DUSP22: variants seen among roughly 807,000 people sequenced by gnomAD.
DUSP22 encodes dual specificity protein phosphatase 22.
In DUSP22, 24 loss-of-function variants were observed where a neutral mutation model predicts 24.5. The observed-to-expected ratio is 0.98, with a 90% CI of 0.71 to 1.38. DUSP22 has a LOEUF of 1.38. DUSP22 is among the 40% of genes most tolerant of loss of function. The pLI is 0.00. For synonymous variants in DUSP22, 160 were observed against 106.4 expected, an observed-to-expected ratio of 1.50 and a Z score of -3.10; for missense variants, 330 against 269.2, an observed-to-expected ratio of 1.23 and a Z score of -1.58.
At position 351,139 on chromosome 6, in the gene DUSP22, G is replaced by T. The variant is rs1399709158; in HGVS notation, c.*2188G>T. 1.1e-5 allele frequency: 6 copies of T among 538,014 alleles called. No homozygotes were observed. Among genetic ancestry groups the T allele is most frequent in the Non-Finnish European group, 1.9e-5 (6 of 310,814 alleles). The allele number at this position is 538,014 out of a possible 1,614,324, so 33.3% of individuals were successfully genotyped here. On this transcript the variant is annotated 3_prime_UTR_variant, in exon 7 of 7. Transcript: ENST00000419235. ...CCCGGGAGCCTTGCCGCACTGCCTT[G>T]TGGGTGGCTTGGCGCTCGTGATTGC...
intron 1 of DUSP22, 114 bp downstream of exon 1, chr6:292,674 C>T: frequency 1.4e-6 from 2 of 1,417,634 alleles, no homozygotes; most frequent in Non-Finnish European, 9.3e-7. Context: ...GCGGTGGGGA[C>T]GGGCGCGGAG....
chr6:298,394 AC>A (rs1757435429), intron 1 of DUSP22, among the ~76,000 whole-genome samples: 1 of 152,278 alleles, frequency 6.6e-6, no homozygotes, highest in Non-Finnish European at 1.5e-5. Context: ...TGCCACCCCC[AC>A]CCCACACATG....
At chr6:331,268 C>T (rs544346043) in intron 3 of DUSP22, among the ~76,000 whole-genome samples, 251 of 152,342 alleles carry the variant, frequency 1.6e-3, no homozygotes, top group African/African-American at 5.8e-3. Flanking sequence ...TTTAGTGAGA[C>T]TTTTATTGCT....
At chr6:296,970 T>C (rs1365378180) in intron 1 of DUSP22, among the ~76,000 whole-genome samples, 2 of 152,308 alleles carry the variant, frequency 1.3e-5, no homozygotes, top group Non-Finnish European at 2.9e-5. Flanking sequence ...ATGGCTGCCA[T>C]CCCTGTCCTT....
intron 4 of DUSP22, 99 bp from the exon 5 acceptor site, chr6:345,751 AAATC>A: frequency 7.0e-7 from 1 of 1,418,778 alleles, no homozygotes; most frequent in South Asian, 1.3e-5. Flanking sequence ...TTATACAAAA[AAATC>A]AATTAACATT....
At position 349,533 on chromosome 6, in the gene DUSP22, G is replaced by A. The variant is rs376998032; in HGVS notation, c.*582G>A. The A allele has an allele frequency of 6.0e-6, 6 of 991,906 alleles. No individual in the cohort carries two copies. The African/African-American group carries it at 8.7e-5, about 14-fold the overall frequency. 61.4% of individuals were successfully genotyped at this position (991,906 alleles called of 1,614,324 possible). A position where few individuals can be genotyped will look rare whatever the true frequency, so the allele number is the denominator to read the frequency against. ...GAACTCAGGGGACGAGTGGCTAAGA[G>A]CATGGCCTCTCCCAGAACCCACCCA... On this transcript the variant is annotated 3_prime_UTR_variant, in exon 7 of 7. Transcript: ENST00000419235.
chr6:306,350 C>T (rs1309026220), intron 2 of DUSP22, among the ~76,000 whole-genome samples: 1 of 152,298 alleles, frequency 6.6e-6, no homozygotes, highest in Non-Finnish European at 1.5e-5. Flanking sequence ...TGAAAGGTTA[C>T]TTTTTTTGGA....
intron 2 of DUSP22, among the ~76,000 whole-genome samples, chr6:309,959 GGTTTT>G (rs1336429497): frequency 3.9e-5 from 6 of 152,260 alleles, no homozygotes; most frequent in South Asian, 2.1e-4. Context: ...GTTGTTGTTT[GGTTTT>G]GTTTTGTTTT....
At chr6:296,889 G>T (rs1757357959) in intron 1 of DUSP22, among the ~76,000 whole-genome samples, 1 of 152,304 alleles carries the variant, frequency 6.6e-6, no homozygotes, top group African/African-American at 2.4e-5. Flanking sequence ...CAAGCATCCG[G>T]CCTGCCTGGT....
At chr6:347,326 C>T (rs1462094730) in intron 5 of DUSP22, among the ~76,000 whole-genome samples, 1 of 152,310 alleles carries the variant, frequency 6.6e-6, no homozygotes, top group Non-Finnish European at 1.5e-5. Context: ...GGAATTAATA[C>T]TTCATACAGT....
intron 5 of DUSP22, among the ~76,000 whole-genome samples, chr6:347,143 G>A (rs545771782): frequency 0.022 from 3,304 of 151,078 alleles, 2 homozygotes; most frequent in African/African-American, 0.078. Flanking sequence ...CCACTCCTGG[G>A]CTTCTCCTGG....
At chr6:332,604 G>C (rs960092786) in intron 3 of DUSP22, among the ~76,000 whole-genome samples, 212 of 151,714 alleles carry the variant, frequency 1.4e-3, no homozygotes, top group Non-Finnish European at 2.0e-3. Flanking sequence ...CCAGCAAAGA[G>C]CTATTCAGCA....
intron 2 of DUSP22, among the ~76,000 whole-genome samples, chr6:308,090 T>G (rs909466434): frequency 1.5e-4 from 23 of 150,936 alleles, no homozygotes; most frequent in African/African-American, 5.2e-4. Flanking sequence ...GGGCTCAGTG[T>G]TAGGGTGCAC....
chr6:314,705 G>C (rs1758263653), intron 3 of DUSP22, among the ~76,000 whole-genome samples: 1 of 152,310 alleles, frequency 6.6e-6, no homozygotes, highest in Non-Finnish European at 1.5e-5. Flanking sequence ...ATCAGCCTTT[G>C]TGAGCCGGGA....
intron 1 of DUSP22, among the ~76,000 whole-genome samples, chr6:293,925 T>A (rs1174588501): frequency 1.3e-5 from 2 of 152,286 alleles, no homozygotes; most frequent in African/African-American, 4.8e-5. Context: ...TTCTGCTTTT[T>A]AAATTAAAAC....
At chr6:305,025 GCCTT>G (rs1757759347) in intron 2 of DUSP22, among the ~76,000 whole-genome samples, 1 of 152,304 alleles carries the variant, frequency 6.6e-6, no homozygotes, top group African/African-American at 2.4e-5. Flanking sequence ...TGTCAGAATG[GCCTT>G]CCTTCTTAAA....
chr6:309,681 C>G (rs1419624122), intron 2 of DUSP22, among the ~76,000 whole-genome samples: 1 of 45,536 alleles, frequency 2.2e-5, no homozygotes, highest in African/African-American at 5.3e-5. Flanking sequence ...TCATGTAGAA[C>G]ACACACACAC....
At chr6:293,517 C>T (rs1432156815) in intron 1 of DUSP22, among the ~76,000 whole-genome samples, 1 of 152,198 alleles carries the variant, frequency 6.6e-6, no homozygotes, top group East Asian at 1.9e-4. Flanking sequence ...GCTCCACCCA[C>T]CCACATCTCT....
intron 3 of DUSP22, among the ~76,000 whole-genome samples, chr6:327,437 G>T (rs1758932222): frequency 6.6e-6 from 1 of 152,306 alleles, no homozygotes; most frequent in Non-Finnish European, 1.5e-5. Context: ...TGGGTTGGTG[G>T]CCACATGTTT....
Sources: gnomAD v4.1 joint callset for allele counts (sites outside exome capture counted in the v4.1 genomes callset) on GRCh38, gnomAD v4.1.1 for gene constraint, MANE v1.5 for transcripts, NCBI Gene and HGNC (gene_info 2026-07-23, HGNC 2026-07-21) for gene names.